Variants in TSC22D1 observed in about 807,000 individuals in gnomAD.
TSC22D1 encodes TSC22 domain family member 1.
Under a neutral mutation model 74.2 loss-of-function variants are expected in TSC22D1, and 9 were observed. That is an observed-to-expected ratio of 0.12 (90% CI 0.07 to 0.21). The LOEUF (loss-of-function observed/expected upper bound fraction) is 0.21, where lower values mean the gene tolerates loss of function less well. TSC22D1 is among the 10% of genes least tolerant of loss of function. TSC22D1 has a pLI of 1.00. For missense variants in TSC22D1, 1,427 were observed against 1,304.7 expected (o/e 1.09, Z -1.44); for synonymous variants, 586 against 492.5 (o/e 1.19, Z -2.51).
intron 2 of TSC22D1, chr13:44,435,086 A>T: frequency 1.8e-6 from 1 of 546,982 alleles, no homozygotes; most frequent in Non-Finnish European, 3.2e-6. Flanking sequence ...CAAGCTTTGT[A>T]AAAGTCTGTG....
chr13:44,538,256 A>G (rs1473442820), intron 1 of TSC22D1: 10 of 985,232 alleles, frequency 1.0e-5, no homozygotes, highest in Non-Finnish European at 4.8e-6. Context: ...ATCTCAAAAG[A>G]TATTTCTTCT....
chr13:44,539,640 A>C (rs188631225), intron 1 of TSC22D1: 2 of 1,144,946 alleles, frequency 1.7e-6, no homozygotes, highest in African/African-American at 3.2e-5. Flanking sequence ...TTCTCAGAAA[A>C]ACAAAACAGA....
intron 1 of TSC22D1, among the ~76,000 whole-genome samples, chr13:44,525,536 C>T (rs1404861444): frequency 6.6e-6 from 1 of 152,134 alleles, no homozygotes. Context: ...CTGCAGTAAG[C>T]CATGATCGTG....
In TSC22D1 at chr13:44,574,526, G is replaced by A. The variant is rs748957886; in HGVS notation, c.1549C>T (p.Leu517Phe). The change falls in exon 1 of 3, where the codon CTC becomes TTC. Residue 517 changes from leucine to phenylalanine, a missense_variant. Leu to Phe is a conservative substitution (Grantham distance 22). Transcript: ENST00000458659. Reference protein sequence around the residue: ...QQQPALQGVTLQQMDFGSTGP... With the variant: ...QQQPALQGVTFQQMDFGSTGP... The stretch of plus-strand genomic sequence containing the variant: ...GTGCTACCAAAATCCATCTGTTGGA[G>A]GGTCACACCTTGGAGAGCTGGTTGT... 1.9e-6 allele frequency: 3 copies of A among 1,614,134 alleles called. No homozygotes were observed. Among genetic ancestry groups the A allele is most frequent in the South Asian group, 2.2e-5 (2 of 91,084 alleles).
intron 1 of TSC22D1, among the ~76,000 whole-genome samples, chr13:44,484,791 G>T (rs574952176): frequency 3.3e-5 from 5 of 152,122 alleles, no homozygotes; most frequent in South Asian, 2.1e-4. Context: ...ACACAGGTGG[G>T]TATCCCTTCT....
intron 1 of TSC22D1, chr13:44,536,926 G>GAAAAAA (rs10596156): frequency 3.4e-5 from 17 of 495,134 alleles, no homozygotes; most frequent in Admixed American, 2.0e-4. Flanking sequence ...GTATTTTTCT[G>GAAAAAA]AAAAAAAAAA....
intron 1 of TSC22D1, among the ~76,000 whole-genome samples, chr13:44,508,460 T>C (rs1403159286): frequency 2.6e-5 from 4 of 152,116 alleles, no homozygotes; most frequent in Non-Finnish European, 4.4e-5. Context: ...ATATGAATTG[T>C]TTTTTTAAAA....
At chr13:44,449,681 C>T (rs1008491908) in intron 1 of TSC22D1, among the ~76,000 whole-genome samples, 9 of 149,538 alleles carry the variant, frequency 6.0e-5, no homozygotes, top group Non-Finnish European at 1.0e-4. Context: ...GAAGACAATG[C>T]GATGAAAATA....
intron 1 of TSC22D1, among the ~76,000 whole-genome samples, chr13:44,571,299 AATT>A (rs1348196837): frequency 2.6e-5 from 4 of 152,272 alleles, no homozygotes; most frequent in Admixed American, 6.5e-5. Context: ...TCCTTTTCTC[AATT>A]ATTATCTGGA....
chr13:44,485,424 C>T (rs922941096), intron 1 of TSC22D1, among the ~76,000 whole-genome samples: 2 of 151,982 alleles, frequency 1.3e-5, no homozygotes, highest in African/African-American at 4.8e-5. Flanking sequence ...AAACTTTGTA[C>T]AAGGTTATTA....
rs1213487671 is a variant in TSC22D1, at chr13:44,574,327, T to C, written c.1748A>G (p.Asn583Ser). The C allele has an allele frequency of 6.2e-7, 1 of 1,614,252 alleles. No homozygotes were observed. The highest frequency in any genetic ancestry group is 8.5e-7 in the Non-Finnish European group (1 of 1,180,040). ...TAAAGCTGAAGTTACACCAACCACATTTACAGGCGATGGCTGGATACCAGT... is the reference window on the plus strand; with the variant it reads ...TAAAGCTGAAGTTACACCAACCACACTTACAGGCGATGGCTGGATACCAGT... ...AATGIQPSPV[N>S]VVGVTSALGQ... Residue 583 changes from asparagine (N) to serine (S), a missense_variant, in exon 1 of 3, where the codon AAT becomes AGT. Transcript: ENST00000458659.
intron 1 of TSC22D1, among the ~76,000 whole-genome samples, chr13:44,512,382 G>A (rs1024655803): frequency 6.6e-6 from 1 of 152,020 alleles, no homozygotes; most frequent in Admixed American, 6.5e-5. Flanking sequence ...TGTTAGCCAG[G>A]ATGGTCTCGA....
At chr13:44,453,834 A>G (rs921613840) in intron 1 of TSC22D1, among the ~76,000 whole-genome samples, 1 of 152,244 alleles carries the variant, frequency 6.6e-6, no homozygotes, top group Non-Finnish European at 1.5e-5. Context: ...TATGTTTCTA[A>G]TAAGAAATGC....
At chr13:44,501,928 A>T (rs1371051457) in intron 1 of TSC22D1, among the ~76,000 whole-genome samples, 1 of 152,224 alleles carries the variant, frequency 6.6e-6, no homozygotes, top group African/African-American at 2.4e-5. Flanking sequence ...TTGTACTCAC[A>T]TGGCACTGAA....
chr13:44,443,297 CTTTAACTGAAAGAAAAAAA>C (rs1475206634), intron 1 of TSC22D1, among the ~76,000 whole-genome samples: 1 of 147,298 alleles, frequency 6.8e-6, no homozygotes, highest in Non-Finnish European at 1.5e-5. Context: ...GCAGCAACAT[CTTTAACTGAAAGAAAAAAA>C]AAAACCTGTC....
At chr13:44,443,210 G>GA (rs1268611435) in intron 1 of TSC22D1, among the ~76,000 whole-genome samples, 2 of 151,484 alleles carry the variant, frequency 1.3e-5, no homozygotes, top group African/African-American at 4.9e-5. Context: ...GAAGCAGCTG[G>GA]AAAAAATTGC....
chr13:44,510,102 C>A (rs879716878), intron 1 of TSC22D1, among the ~76,000 whole-genome samples: 1 of 151,576 alleles, frequency 6.6e-6, no homozygotes, highest in African/African-American at 2.4e-5. Flanking sequence ...GTTTATACTC[C>A]GCTAGGCACG....
At position 44,523,957 on chromosome 13, in the gene TSC22D1, A is replaced by G. The variant is rs564962420; in HGVS notation, c.2912+49206T>C. 4.6e-5 allele frequency among the ~76,000 whole-genome samples: 7 copies of G among 152,332 alleles called. No individual in the cohort carries two copies. In the South Asian group the frequency reaches 1.5e-3, roughly 32 times the overall value. Reference sequence around the variant, plus strand: ...AGGCAACAAATCTTTAGCAAAATATAAGAGATAGACCCATCCTCTAGAGAA... The same window carrying G: ...AGGCAACAAATCTTTAGCAAAATATGAGAGATAGACCCATCCTCTAGAGAA... On this transcript the variant is annotated intron_variant, in intron 1 of 2. Coordinates refer to ENST00000458659, the MANE Select transcript of TSC22D1 (RefSeq NM_183422.4).
intron 1 of TSC22D1, among the ~76,000 whole-genome samples, chr13:44,455,907 C>T (rs1284061025): frequency 6.6e-6 from 1 of 151,992 alleles, no homozygotes; most frequent in Non-Finnish European, 1.5e-5. Context: ...GGAAAAAAGA[C>T]GGTAATTCAT....
Sources: allele counts gnomAD v4.1 joint callset (sites outside exome capture counted in the v4.1 genomes callset), GRCh38; gene constraint gnomAD v4.1.1; transcripts MANE v1.5; gene names NCBI Gene and HGNC (gene_info 2026-07-23, HGNC 2026-07-21).